Variants in OPCML observed in about 807,000 individuals in gnomAD.
OPCML encodes opioid binding protein/cell adhesion molecule like, also known as opioid-binding protein/cell adhesion molecule.
In OPCML, 13 loss-of-function variants were observed where a neutral mutation model predicts 37.8. That is an observed-to-expected ratio of 0.34 (90% CI 0.22 to 0.55). The LOEUF (loss-of-function observed/expected upper bound fraction) is 0.55, where lower values mean the gene tolerates loss of function less well. OPCML is among the 20% of genes least tolerant of loss of function. The pLI is 0.91. For missense variants in OPCML, 341 were observed against 435.6 expected, an observed-to-expected ratio of 0.78 and a Z score of 1.93; for synonymous variants, 176 against 168.8, an observed-to-expected ratio of 1.04 and a Z score of -0.33.
chr11:133,284,212 C>T (rs1476121365), intron 1 of OPCML, among the ~76,000 whole-genome samples: 1 of 152,168 alleles, frequency 6.6e-6, no homozygotes, highest in African/African-American at 2.4e-5. Flanking sequence ...CAAACCCAAC[C>T]TGTACCGTGG....
chr11:133,505,467 A>G (rs1948006535), intron 1 of OPCML, among the ~76,000 whole-genome samples: 1 of 152,022 alleles, frequency 6.6e-6, no homozygotes, highest in African/African-American at 2.4e-5. Context: ...CTACCACCAA[A>G]TGCACCTGTC....
chr11:132,603,843 T>A (rs1477070981), intron 3 of OPCML, among the ~76,000 whole-genome samples: 2 of 152,232 alleles, frequency 1.3e-5, no homozygotes, highest in Non-Finnish European at 2.9e-5. Context: ...TTAACTCATT[T>A]ACATCCTGTA....
At chr11:132,507,579 T>C (rs2096259957) in intron 4 of OPCML, among the ~76,000 whole-genome samples, 1 of 150,084 alleles carries the variant, frequency 6.7e-6, no homozygotes, top group South Asian at 2.1e-4. Context: ...GTAAAATTTC[T>C]GAATTAAAAA....
At position 132,943,031 on chromosome 11, in the gene OPCML, A is replaced by G. The variant is rs751719490; in HGVS notation, c.62-21T>C. ...CACTCCTGTGGGTACAAGGAACAGCAGCCTGAGAGACACGACCACGAGGCA... is the reference window on the plus strand; with the variant it reads ...CACTCCTGTGGGTACAAGGAACAGCGGCCTGAGAGACACGACCACGAGGCA... On this transcript the variant is annotated intron_variant, in intron 1 of 7. Transcript: ENST00000524381. This position sits in a 1 kb window ranked among gnomAD's most constrained non-coding sequence, Gnocchi z 4.3. 1 of 1,614,032 alleles carries G rather than the reference A, an allele frequency of 6.2e-7. No individual in the cohort carries two copies. The highest frequency in any genetic ancestry group is 8.5e-7 in the Non-Finnish European group (1 of 1,180,010).
rs1591632046 is a variant in OPCML, at chr11:132,803,261, A to T, written c.146+139665T>A. Among the ~76,000 whole-genome samples, 2 of 152,316 alleles carry T rather than the reference A, an allele frequency of 1.3e-5. 1 individual carries two copies. Among genetic ancestry groups the T allele is most frequent in the East Asian group, 3.9e-4 (2 of 5,186 alleles). On this transcript the variant is annotated intron_variant, in intron 2 of 7. Coordinates refer to ENST00000524381, the MANE Select transcript of OPCML (RefSeq NM_001012393.5). ...ATTACCCTTAGAAATACGCTCCTTG[A>T]AGAAAATCAATGCACATGTGTTTTA...
chr11:133,200,314 G>A (rs533738340), intron 1 of OPCML, among the ~76,000 whole-genome samples: 3 of 148,828 alleles, frequency 2.0e-5, no homozygotes, highest in Non-Finnish European at 4.5e-5. Flanking sequence ...AGTAAGAGGA[G>A]AGTGGTTTAT....
At chr11:132,568,118 G>A (rs1033811637) in intron 3 of OPCML, among the ~76,000 whole-genome samples, 3 of 151,812 alleles carry the variant, frequency 2.0e-5, no homozygotes, top group Admixed American at 6.6e-5. Context: ...GCACCAAAAC[G>A]TATGTCATGG....
At chr11:132,487,921 T>C (rs1330193969) in intron 4 of OPCML, among the ~76,000 whole-genome samples, 1 of 152,230 alleles carries the variant, frequency 6.6e-6, no homozygotes, top group African/African-American at 2.4e-5. Flanking sequence ...TTTCTATCCA[T>C]GTAGATAGGT....
rs1555114221 is a variant in OPCML, at chr11:133,204,886, A to ATATATATGTGTG, written c.62-261877_62-261876insCACACATATATA. On this transcript the variant is annotated intron_variant, in intron 1 of 7. Coordinates refer to ENST00000524381, the MANE Select transcript of OPCML (RefSeq NM_001012393.5). ...TATATGTGTATATATATATATATAT[A>ATATATATGTGTG]TATATATATATATATATATATATAC... Among the ~76,000 whole-genome samples the ATATATATGTGTG allele has an allele frequency of 5.9e-3, 250 of 42,580 alleles. 2 individuals are homozygous for ATATATATGTGTG. The highest frequency in any genetic ancestry group is 0.016 in the African/African-American group (243 of 15,478). 27.9% of individuals were successfully genotyped at this position (42,580 alleles called of 152,430 possible).
At chr11:132,989,609 G>A (rs1200665431) in intron 1 of OPCML, among the ~76,000 whole-genome samples, 1 of 71,632 alleles carries the variant, frequency 1.4e-5, no homozygotes, top group Non-Finnish European at 2.5e-5. Flanking sequence ...GAGCGTGTGT[G>A]TGTGTGTGTG....
chr11:132,900,077 T>A (rs1043346702), intron 2 of OPCML, among the ~76,000 whole-genome samples: 1 of 152,306 alleles, frequency 6.6e-6, no homozygotes, highest in African/African-American at 2.4e-5. Context: ...CATTGATTTT[T>A]ATGTCTCTAG....
intron 1 of OPCML, among the ~76,000 whole-genome samples, chr11:133,159,414 A>C (rs1418609757): frequency 1.3e-5 from 2 of 152,186 alleles, no homozygotes; most frequent in Admixed American, 1.3e-4. Flanking sequence ...ACTCACAAGG[A>C]CACATTCTTC....
intron 7 of OPCML, among the ~76,000 whole-genome samples, chr11:132,420,748 G>C (rs1248210470): frequency 1.3e-5 from 2 of 152,202 alleles, no homozygotes; most frequent in Non-Finnish European, 2.9e-5. Flanking sequence ...ATAAGTCCAA[G>C]TGTTGATGTA....
chr11:132,479,015 C>A (rs918540069), intron 4 of OPCML, among the ~76,000 whole-genome samples: 1 of 151,932 alleles, frequency 6.6e-6, no homozygotes, highest in Admixed American at 6.6e-5. Context: ...AGAATTAGTT[C>A]TTAATAGGGA....
At chr11:133,055,580 C>A (rs1185460570) in intron 1 of OPCML, among the ~76,000 whole-genome samples, 1 of 148,364 alleles carries the variant, frequency 6.7e-6, no homozygotes, top group African/African-American at 2.5e-5. Context: ...TAGTGAGACT[C>A]CATGAGGGAG....
intron 4 of OPCML, among the ~76,000 whole-genome samples, chr11:132,441,367 A>G (rs1299903732): frequency 6.6e-6 from 1 of 150,582 alleles, no homozygotes; most frequent in Non-Finnish European, 1.5e-5. Context: ...ACGGGGTTTC[A>G]CCGTTTTAGC....
rs376605200 is a variant in OPCML, at chr11:132,694,996, C to T, written c.147-37677G>A. On this transcript the variant is annotated intron_variant, in intron 2 of 7. Coordinates refer to ENST00000524381, the MANE Select transcript of OPCML (RefSeq NM_001012393.5). Reference sequence around the variant, plus strand: ...TATTGCCTAGCTCTGAAATGCATACCTTCAAAGATCTTTGTTGAGAAGAAC... The same window carrying T: ...TATTGCCTAGCTCTGAAATGCATACTTTCAAAGATCTTTGTTGAGAAGAAC... 5.8e-4 allele frequency among the ~76,000 whole-genome samples: 89 copies of T among 152,308 alleles called. 2 individuals carry two copies. The South Asian group carries it at 0.014, about 25-fold the overall frequency.
chr11:133,446,344 C>T (rs1385845283), intron 1 of OPCML, among the ~76,000 whole-genome samples: 3 of 152,140 alleles, frequency 2.0e-5, no homozygotes, highest in East Asian at 3.9e-4. Context: ...AAAAAATTCC[C>T]TTACTATATA....
chr11:133,515,622 C>T (rs1044168275), intron 1 of OPCML, among the ~76,000 whole-genome samples: 6 of 152,028 alleles, frequency 3.9e-5, no homozygotes, highest in Non-Finnish European at 8.8e-5. Context: ...ACAGTGACTA[C>T]GCCCCAGATA....
Sources: gnomAD v4.1 joint callset for allele counts (sites outside exome capture counted in the v4.1 genomes callset) on GRCh38, gnomAD v4.1.1 for gene constraint, Gnocchi (gnomAD v3.1) non-coding constraint, MANE v1.5 for transcripts, NCBI Gene and HGNC (gene_info 2026-07-23, HGNC 2026-07-21) for gene names.